Variants in ZC3H7A observed in about 807,000 individuals in gnomAD.
ZC3H7A encodes the protein zinc finger CCCH-type containing 7A, also known as zinc finger CCCH domain-containing protein 7A.
In ZC3H7A, 44 loss-of-function variants were observed where a neutral mutation model predicts 125.5. The observed-to-expected ratio is 0.35, with a 90% confidence interval of 0.28 to 0.45. ZC3H7A has a LOEUF of 0.45. ZC3H7A is among the 20% of genes least tolerant of loss of function. The pLI is 1.00. For synonymous variants in ZC3H7A, 399 were observed against 391.2 expected (o/e 1.02, Z -0.23); for missense variants, 977 against 1,170.7 (o/e 0.83, Z 2.41).
intron 13 of ZC3H7A, among the ~76,000 whole-genome samples, chr16:11,766,782 C>G (rs775546360): frequency 2.7e-5 from 4 of 150,912 alleles, no homozygotes; most frequent in Admixed American, 2.6e-4. Context: ...ACTCGGGAGG[C>G]TGAGGCAAGA....
At position 11,776,875 on chromosome 16, in the gene ZC3H7A, A is replaced by G. The variant is rs376027051; in HGVS notation, c.341T>C (p.Ile114Thr). ...GTTACTGGCATTTAAACTGAGGACT[A>G]TATTGCAGTCCTCCAAAACTTTATC... ...FHDKVLEDCN[I>T]VLSLNASNCK... is the part of the protein sequence containing the mutation. The change falls in exon 5 of 23, where the codon ATA becomes ACA. Residue 114 changes from isoleucine to threonine, a missense_variant. Coordinates refer to ENST00000355758, the MANE Select transcript of ZC3H7A (RefSeq NM_014153.4). 7.1e-5 allele frequency: 114 copies of G among 1,608,904 alleles called. No homozygotes were observed. The highest frequency in any genetic ancestry group is 9.0e-5 in the Non-Finnish European group (106 of 1,178,586).
rs1450360015 is a variant in ZC3H7A, at chr16:11,765,552, C to T, written c.1656G>A (p.Lys552=). The T allele has an allele frequency of 1.2e-6, 2 of 1,614,192 alleles. No individual in the cohort carries two copies. Among genetic ancestry groups the T allele is most frequent in the Non-Finnish European group, 1.7e-6 (2 of 1,180,030 alleles). The change falls in exon 14 of 23, where the codon AAG becomes AAA. Residue 552 remains lysine, a synonymous_variant. Coordinates refer to ENST00000355758, the MANE Select transcript of ZC3H7A (RefSeq NM_014153.4). The surrounding 1 kb of genome is among the most constrained non-coding windows in gnomAD (Gnocchi z 4.8). The part of the protein sequence containing the change: ...SREAFFGGNG[K]INLTVFKLLQ... The stretch of plus-strand genomic sequence containing the variant: ...GAAGTTTGAACACAGTAAGGTTAAT[C>T]TTTCCATTGCCGCCAAAGAAAGCCT...
chr16:11,793,574 C>G (rs1271430312), intron 1 of ZC3H7A, among the ~76,000 whole-genome samples: 1 of 152,048 alleles, frequency 6.6e-6, no homozygotes, highest in Non-Finnish European at 1.5e-5. Flanking sequence ...ATACATTCCA[C>G]TCCATATTCA....
At chr16:11,778,736 C>T (rs112358831) in intron 4 of ZC3H7A, among the ~76,000 whole-genome samples, 9,881 of 151,978 alleles carry the variant, frequency 0.065, 472 homozygotes, top group South Asian at 0.21. Context: ...TTTTTTGAGA[C>T]GGAGTCTTGC....
chr16:11,788,816 G>A (rs1299588400), intron 1 of ZC3H7A, among the ~76,000 whole-genome samples: 1 of 152,038 alleles, frequency 6.6e-6, no homozygotes, highest in East Asian at 1.9e-4. Flanking sequence ...GTTTCACCAT[G>A]TTGGTCAGGC....
intron 1 of ZC3H7A, among the ~76,000 whole-genome samples, chr16:11,795,147 G>A (rs1001149707): frequency 6.6e-6 from 1 of 152,166 alleles, no homozygotes; most frequent in Non-Finnish European, 1.5e-5. Flanking sequence ...TTTTTCAACA[G>A]GGAAAATACT....
At chr16:11,781,603 T>C in intron 2 of ZC3H7A, 139 bp from the exon 3 acceptor site, 5 of 651,350 alleles carry the variant, frequency 7.7e-6, no homozygotes, top group Non-Finnish European at 1.3e-5. Flanking sequence ...CCTCCTTTAC[T>C]ACCATTATTC....
intron 1 of ZC3H7A, among the ~76,000 whole-genome samples, chr16:11,783,415 A>C (rs2053204913): frequency 6.6e-6 from 1 of 152,132 alleles, no homozygotes; most frequent in Non-Finnish European, 1.5e-5. Context: ...CTGAGATAAA[A>C]CATCATCTCC....
At chr16:11,788,406 TCTGGC>T (rs2053291823) in intron 1 of ZC3H7A, among the ~76,000 whole-genome samples, 1 of 152,196 alleles carries the variant, frequency 6.6e-6, no homozygotes, top group African/African-American at 2.4e-5. Context: ...AGGCAGACCC[TCTGGC>T]CTGTTTGACA....
At chr16:11,759,857 A>G (rs1224568100) in intron 19 of ZC3H7A, 3 of 152,380 alleles carry the variant, frequency 2.0e-5, no homozygotes, top group African/African-American at 7.2e-5. Context: ...TCACGCCTGT[A>G]ATCCCAACAC....
chr16:11,782,511 T>G, intron 1 of ZC3H7A, 123 bp from the exon 2 acceptor site: 1 of 790,108 alleles, frequency 1.3e-6, no homozygotes, highest in Non-Finnish European at 2.1e-6. Context: ...CTGACTTGAC[T>G]CCAGGGTCCT....
intron 4 of ZC3H7A, among the ~76,000 whole-genome samples, chr16:11,777,230 C>G (rs1257817701): frequency 1.3e-5 from 2 of 152,250 alleles, no homozygotes; most frequent in East Asian, 3.9e-4. Flanking sequence ...CTATTCGCTC[C>G]TCTGTAGTTA....
chr16:11,767,602 G>T (rs2052882813), intron 12 of ZC3H7A, 24 bp from the exon 13 acceptor site: 2 of 1,508,138 alleles, frequency 1.3e-6, no homozygotes, highest in Non-Finnish European at 1.8e-6. Context: ...AAAGAGGATT[G>T]CTTATATGCA....
chr16:11,778,447 A>G (rs965159515), intron 4 of ZC3H7A, among the ~76,000 whole-genome samples: 2 of 151,340 alleles, frequency 1.3e-5, no homozygotes, highest in African/African-American at 4.8e-5. Context: ...AAAAAAAAAA[A>G]AAAAAAAAAA....
In ZC3H7A at chr16:11,765,036, A is replaced by G. The variant is rs1438365250; in HGVS notation, c.1820+17T>C. Reference sequence around the variant, plus strand: ...AATCTATTTTGTCATTACAGAAATTAGAAACTATCAACATACTTATTGTCT... The same window carrying G: ...AATCTATTTTGTCATTACAGAAATTGGAAACTATCAACATACTTATTGTCT... On this transcript the variant is annotated intron_variant, in intron 15 of 22. Transcript: ENST00000355758. The surrounding 1 kb of genome is among the most constrained non-coding windows in gnomAD (Gnocchi z 4.8). The G allele has an allele frequency of 6.7e-7, 1 of 1,490,920 alleles. No homozygotes were observed. The highest frequency in any genetic ancestry group is 9.1e-7 in the Non-Finnish European group (1 of 1,096,946). The allele number at this position is 1,490,920 out of a possible 1,614,324, so 92.4% of individuals were successfully genotyped here.
At chr16:11,789,271 A>T (rs972197677) in intron 1 of ZC3H7A, among the ~76,000 whole-genome samples, 4 of 149,354 alleles carry the variant, frequency 2.7e-5, no homozygotes, top group East Asian at 2.0e-4. Flanking sequence ...GTTTGTTTTT[A>T]TTTTTTTTTT....
Position 11,751,521 on chromosome 16 carries a change from C to T in ZC3H7A, c.2727-15G>A, listed in dbSNP as rs1455427399. ...CATTCATATACCTGTAAGGAGAAGT[C>T]AGCTGCTCAGTGTCCATATAAGTTG... On this transcript the variant is annotated splice_polypyrimidine_tract_variant and intron_variant, in intron 22 of 22. Coordinates refer to ENST00000355758, the MANE Select transcript of ZC3H7A (RefSeq NM_014153.4). The T allele has an allele frequency of 1.2e-6, 2 of 1,607,266 alleles. No homozygotes were observed. Among genetic ancestry groups the T allele is most frequent in the East Asian group, 2.2e-5 (1 of 44,816 alleles).
intron 12 of ZC3H7A, 59 bp from the exon 13 acceptor site, chr16:11,767,637 G>A: frequency 6.9e-7 from 1 of 1,450,026 alleles, no homozygotes; most frequent in Non-Finnish European, 9.2e-7. Context: ...TCATTTTACA[G>A]GTAAATTTAC....
chr16:11,770,852 G>A lies in ZC3H7A; in HGVS notation c.1039C>T (p.Pro347Ser). ...AAATCTTCTAAGGATGAAGTCAAAG[G>A]TGGATAAAATTCTGAGAAGGAGGGT... ...PPPSFSEFYP[P>S]LTSSLEDFCS... Residue 347 changes from proline (P) to serine (S), a missense_variant, in exon 10 of 23, where the codon CCT (proline) becomes TCT (serine). Coordinates refer to ENST00000355758, the MANE Select transcript of ZC3H7A (RefSeq NM_014153.4). 2 of 1,614,178 alleles carry A rather than the reference G, an allele frequency of 1.2e-6. No homozygotes were observed. Among genetic ancestry groups the A allele is most frequent in the Non-Finnish European group, 1.7e-6 (2 of 1,180,030 alleles).
Sources: allele counts gnomAD v4.1 joint callset (sites outside exome capture counted in the v4.1 genomes callset), GRCh38; gene constraint gnomAD v4.1.1; non-coding constraint Gnocchi (gnomAD v3.1); transcripts MANE v1.5; gene names NCBI Gene and HGNC (gene_info 2026-07-23, HGNC 2026-07-21).